The following SLC24A2 variants were observed in gnomAD, a reference collection of about 807,000 sequenced individuals.
The protein encoded by SLC24A2 is solute carrier family 24 member 2.
Under a neutral mutation model 62.0 loss-of-function variants are expected in SLC24A2, and 36 were observed. The observed-to-expected ratio is 0.58, with a 90% confidence interval of 0.44 to 0.77. The LOEUF (loss-of-function observed/expected upper bound fraction) is 0.77. SLC24A2 is among the 30% of genes least tolerant of loss of function. SLC24A2 has a pLI of 0.00. For missense variants in SLC24A2, 846 were observed against 817.9 expected (o/e 1.03, Z -0.42); for synonymous variants, 358 against 294.0 (o/e 1.22, Z -2.23).
At chr9:19,530,293 C>T (rs1426869895) in intron 8 of SLC24A2, among the ~76,000 whole-genome samples, 2 of 152,032 alleles carry the variant, frequency 1.3e-5, no homozygotes, top group Non-Finnish European at 2.9e-5. Flanking sequence ...GAAGAACCCT[C>T]TTGCCACGTG....
chr9:20,086,504 C>T, the SLC24A2 span, among the ~76,000 whole-genome samples: 1 of 152,142 alleles, frequency 6.6e-6, no homozygotes. Flanking sequence ...TGCTGTGTCA[C>T]TTCCTTAACC....
At chr9:19,877,643 A>G in the SLC24A2 span, among the ~76,000 whole-genome samples, 2 of 151,850 alleles carry the variant, frequency 1.3e-5, no homozygotes, top group African/African-American at 4.8e-5. Flanking sequence ...TGAGGAGGGA[A>G]GTAGCCCCCA....
rs1267083435 is a variant in SLC24A2 at position 19,786,638 on chromosome 9, T to C, written c.229A>G (p.Arg77Gly). The C allele has an allele frequency of 6.2e-7, 1 of 1,614,128 alleles. No individual in the cohort carries two copies. The highest frequency in any genetic ancestry group is 8.5e-7 in the Non-Finnish European group (1 of 1,179,996). Residue 77 changes from arginine (R) to glycine (G), a missense_variant, in exon 2 of 11, where the codon AGG (arginine) becomes GGG (glycine). Physicochemically the swap from Arg to Gly is moderately radical, Grantham distance 125. Coordinates refer to ENST00000341998, the MANE Select transcript of SLC24A2 (RefSeq NM_020344.4). The surrounding 1 kb of genome is among the most constrained non-coding windows in gnomAD (Gnocchi z 5.0). ...CTCTGATGGTAACCCTGTGCTACCC[T>C]AGGGCCACTTACAACACTGGCCTCT... ...TGEASVVSGP[R>G]VAQGYHQRTL...
At chr9:20,027,075 A>G in the SLC24A2 span, among the ~76,000 whole-genome samples, 2 of 152,202 alleles carry the variant, frequency 1.3e-5, no homozygotes, top group African/African-American at 4.8e-5. Flanking sequence ...GTGCTCAAAG[A>G]TCACTAATCA....
chr9:20,248,922 G>A, the SLC24A2 span, among the ~76,000 whole-genome samples: 7 of 152,144 alleles, frequency 4.6e-5, no homozygotes, highest in African/African-American at 1.7e-4. Flanking sequence ...GGTTCTTCCT[G>A]GTCCTGGTCT....
intron 8 of SLC24A2, among the ~76,000 whole-genome samples, chr9:19,546,576 G>A (rs1164269769): frequency 6.6e-6 from 1 of 152,152 alleles, no homozygotes; most frequent in Non-Finnish European, 1.5e-5. Context: ...TCAGACTGTT[G>A]TGCTGGCAGC....
chr9:19,529,139 T>G (rs1481563553), intron 8 of SLC24A2, among the ~76,000 whole-genome samples: 1 of 152,170 alleles, frequency 6.6e-6, no homozygotes, highest in African/African-American at 2.4e-5. Flanking sequence ...ACACTTTATT[T>G]GAAAGCTTTC....
intron 8 of SLC24A2, among the ~76,000 whole-genome samples, chr9:19,542,659 T>C (rs545971885): frequency 6.6e-6 from 1 of 152,372 alleles, no homozygotes; most frequent in South Asian, 2.1e-4. Context: ...TGTTGAATTT[T>C]TGTTGAAGGA....
intron 5 of SLC24A2, among the ~76,000 whole-genome samples, chr9:19,578,350 C>G (rs1156704261): frequency 1.3e-5 from 1 of 75,952 alleles, no homozygotes. Flanking sequence ...TAAATGCATG[C>G]AATAAGCCAA....
the SLC24A2 span, among the ~76,000 whole-genome samples, chr9:20,029,978 G>A: frequency 1.3e-5 from 2 of 152,132 alleles, no homozygotes; most frequent in Non-Finnish European, 2.9e-5. Context: ...AAACTTGAGG[G>A]TTTTTTGAAA....
chr9:19,841,755 T>A, the SLC24A2 span, among the ~76,000 whole-genome samples: 3 of 152,196 alleles, frequency 2.0e-5, no homozygotes, highest in Non-Finnish European at 4.4e-5. Context: ...AGACTGCAGA[T>A]ATTTGTACCC....
the SLC24A2 span, among the ~76,000 whole-genome samples, chr9:20,291,225 A>C: frequency 2.0e-5 from 3 of 152,214 alleles, no homozygotes; most frequent in Non-Finnish European, 4.4e-5. Context: ...ACAGGAGAGC[A>C]TAAGAGAAGG....
chr9:19,950,614 C>T, the SLC24A2 span, among the ~76,000 whole-genome samples: 2 of 152,180 alleles, frequency 1.3e-5, no homozygotes, highest in African/African-American at 4.8e-5. Flanking sequence ...ATTTATTAAG[C>T]ATATACTTAT....
At chr9:19,757,537 T>C (rs556537071) in intron 2 of SLC24A2, among the ~76,000 whole-genome samples, 1 of 152,300 alleles carries the variant, frequency 6.6e-6, no homozygotes, top group East Asian at 1.9e-4. Context: ...AATAGTCCAA[T>C]GATAATTAAA....
At chr9:19,741,487 A>G (rs1821677138) in intron 2 of SLC24A2, among the ~76,000 whole-genome samples, 1 of 152,152 alleles carries the variant, frequency 6.6e-6, no homozygotes, top group African/African-American at 2.4e-5. Context: ...TCTCTGCTCC[A>G]AGTACCAGCT....
intron 2 of SLC24A2, among the ~76,000 whole-genome samples, chr9:19,680,095 A>G (rs1205122291): frequency 6.6e-6 from 1 of 151,846 alleles, no homozygotes; most frequent in Non-Finnish European, 1.5e-5. Flanking sequence ...AGACAATATT[A>G]TTCCAGCACT....
rs184260145 is a variant in SLC24A2, at chr9:19,751,915, T to A, written c.930+34022A>T. The stretch of plus-strand genomic sequence containing the variant: ...GCATTTCTGAGCACAGGCATTATAA[T>A]TCTGCCTAATCTTCAAAGACAGAAT... On this transcript the variant is annotated intron_variant, in intron 2 of 10. Coordinates refer to ENST00000341998, the MANE Select transcript of SLC24A2 (RefSeq NM_020344.4). Among the ~76,000 whole-genome samples, 681 of 152,312 alleles carry A rather than the reference T, an allele frequency of 4.5e-3. 5 individuals carry two copies. The highest frequency in any genetic ancestry group is 6.1e-3 in the Non-Finnish European group (413 of 68,030).
the SLC24A2 span, among the ~76,000 whole-genome samples, chr9:20,235,180 C>T: frequency 6.6e-6 from 1 of 152,232 alleles, no homozygotes; most frequent in South Asian, 2.1e-4. Context: ...GTCAGGGACC[C>T]ACTTGAGGAG....
At chr9:20,060,760 C>A in the SLC24A2 span, among the ~76,000 whole-genome samples, 1 of 152,042 alleles carries the variant, frequency 6.6e-6, no homozygotes, top group Non-Finnish European at 1.5e-5. Context: ...AGAAGTAAAA[C>A]TATATTTGCA....
Sources: allele counts gnomAD v4.1 joint callset (sites outside exome capture counted in the v4.1 genomes callset), GRCh38; gene constraint gnomAD v4.1.1; non-coding constraint Gnocchi (gnomAD v3.1); transcripts MANE v1.5; gene names NCBI Gene and HGNC (gene_info 2026-07-23, HGNC 2026-07-21).